Variants in AK9 observed in about 807,000 individuals in gnomAD.
The protein encoded by AK9 is adenylate kinase domain containing 1.
Under a neutral mutation model 239.6 loss-of-function variants are expected in AK9, and 191 were observed. The ratio of observed to expected loss-of-function variants is 0.80; its 90% CI spans 0.71 to 0.90. The LOEUF is 0.90. Among genes scored for constraint, AK9 ranks in the 40% least tolerant of loss-of-function variants. AK9 has a pLI of 0.00. For missense variants in AK9, 1,995 were observed against 2,214.7 expected (o/e 0.90, Z 1.99); for synonymous variants, 689 against 721.0 (o/e 0.96, Z 0.71).
At chr6:109,647,263 T>A (rs913427133) in intron 8 of AK9, among the ~76,000 whole-genome samples, 31 of 152,320 alleles carry the variant, frequency 2.0e-4, no homozygotes, top group Admixed American at 9.2e-4. Context: ...GTAAATGGGC[T>A]AAATGCTCCA....
intron 12 of AK9, among the ~76,000 whole-genome samples, chr6:109,622,685 T>C (rs937981571): frequency 6.7e-6 from 1 of 148,882 alleles, no homozygotes; most frequent in Non-Finnish European, 1.5e-5. Context: ...TGATATATGA[T>C]AATATGTATA....
chr6:109,637,147 G>C (rs1006260715), intron 10 of AK9, among the ~76,000 whole-genome samples: 20 of 152,146 alleles, frequency 1.3e-4, no homozygotes, highest in African/African-American at 4.6e-4. Flanking sequence ...TTAATGGCTA[G>C]TGATATTGAG....
At chr6:109,579,742 T>C in intron 19 of AK9, 116 bp from the exon 20 acceptor site, 1 of 870,380 alleles carries the variant, frequency 1.1e-6, no homozygotes, top group Admixed American at 3.6e-5. Flanking sequence ...ATACTTACTT[T>C]ACAATGTATA....
rs1375746096 is a variant in AK9 at position 109,508,433 on chromosome 6, T to TCCAC, written c.4481+745_4481+746insGTGG. Among the ~76,000 whole-genome samples, 30 of 152,268 alleles carry TCCAC rather than the reference T, an allele frequency of 2.0e-4. No homozygotes were observed. In the South Asian group the frequency reaches 6.2e-3, roughly 32 times the overall value. On this transcript the variant is annotated intron_variant, in intron 33 of 40. Transcript: ENST00000424296. ...GAACACCAGGGAGGAGGTAATTCAATCTGGGTAAGTCCCGGGCCTTTTCTG... is the reference window on the plus strand; with the variant it reads ...GAACACCAGGGAGGAGGTAATTCAATCCACCTGGGTAAGTCCCGGGCCTTTTCTG...
At chr6:109,532,406 A>G (rs1781396720) in intron 28 of AK9, among the ~76,000 whole-genome samples, 1 of 152,172 alleles carries the variant, frequency 6.6e-6, no homozygotes, top group Admixed American at 6.5e-5. Context: ...CATCTGGGCC[A>G]TCCTAGGTCC....
intron 17 of AK9, among the ~76,000 whole-genome samples, chr6:109,598,434 T>C (rs566246308): frequency 1.3e-5 from 2 of 152,336 alleles, no homozygotes; most frequent in African/African-American, 4.8e-5. Context: ...TAGTATTCCA[T>C]GGTGTATATG....
chr6:109,656,859 A>C lies in AK9; in HGVS notation c.656T>G (p.Val219Gly). The change falls in exon 8 of 41, where the codon GTG (valine) becomes GGG (glycine). Residue 219 changes from valine to glycine, a missense_variant. Val to Gly is a moderately radical substitution (Grantham distance 109). This residue lies in a region of AK9 where 17 missense variants were observed against 39.1 expected (regional missense o/e 0.43). Coordinates refer to ENST00000424296, the MANE Select transcript of AK9 (RefSeq NM_001145128.3). Reference protein sequence around the residue: ...EEAFIAEMQMVAEILHHLVQR... With the variant: ...EEAFIAEMQMGAEILHHLVQR... Reference sequence around the variant, plus strand: ...AACTAGATGATGAAGAATTTCAGCCACCATCTGCATTTCGGCAATAAATGC... The same window carrying C: ...AACTAGATGATGAAGAATTTCAGCCCCCATCTGCATTTCGGCAATAAATGC... The C allele has an allele frequency of 1.2e-6, 2 of 1,612,958 alleles. No homozygotes were observed. Among genetic ancestry groups the C allele is most frequent in the Non-Finnish European group, 1.7e-6 (2 of 1,179,374 alleles).
At chr6:109,586,922 A>G (rs1339695493) in intron 17 of AK9, among the ~76,000 whole-genome samples, 1 of 152,154 alleles carries the variant, frequency 6.6e-6, no homozygotes, top group Non-Finnish European at 1.5e-5. Flanking sequence ...AAGAGATGTC[A>G]AGAGGGCCAA....
chr6:109,542,002 C>A, intron 27 of AK9, 45 bp downstream of exon 27: 1 of 1,431,484 alleles, frequency 7.0e-7, no homozygotes, highest in Non-Finnish European at 9.4e-7. Flanking sequence ...AAGAATAAAA[C>A]AAATAAAAGC....
chr6:109,519,316 CT>C (rs1779592220), intron 29 of AK9, among the ~76,000 whole-genome samples: 3 of 152,036 alleles, frequency 2.0e-5, no homozygotes, highest in African/African-American at 7.2e-5. Flanking sequence ...AATTTATTTT[CT>C]TTTGTATATA....
At chr6:109,527,365 T>G (rs1422559296) in intron 29 of AK9, among the ~76,000 whole-genome samples, 1 of 152,146 alleles carries the variant, frequency 6.6e-6, no homozygotes, top group Non-Finnish European at 1.5e-5. Context: ...ATTCCCCAGT[T>G]AGTCTGAAAA....
chr6:109,599,058 G>T (rs1200241145), intron 17 of AK9, among the ~76,000 whole-genome samples: 33 of 152,026 alleles, frequency 2.2e-4, no homozygotes, highest in Non-Finnish European at 2.9e-4. Flanking sequence ...TCTTTTGCTG[G>T]GCAGAAGCTC....
chr6:109,633,132 T>C (rs2128274002), intron 11 of AK9, 29 bp from the exon 12 acceptor site: 2 of 1,559,526 alleles, frequency 1.3e-6, no homozygotes, highest in East Asian at 4.5e-5. Flanking sequence ...AGTAAACAAC[T>C]GAAAAGATGT....
At chr6:109,518,413 A>G (rs1253752300) in intron 29 of AK9, among the ~76,000 whole-genome samples, 1 of 152,156 alleles carries the variant, frequency 6.6e-6, no homozygotes, top group Non-Finnish European at 1.5e-5. Context: ...CTACACTACA[A>G]GCTGGGACAT....
Position 109,514,452 on chromosome 6 carries a change from C to T in AK9, c.4066-15G>A. ...CCTTCACTTAGCTGCAACATATACA[C>T]AGTTGAATTTGAAAGTTAGTTTGAA... On this transcript the variant is annotated splice_polypyrimidine_tract_variant and intron_variant, in intron 31 of 40. Transcript: ENST00000424296. The T allele has an allele frequency of 6.6e-7, 1 of 1,506,464 alleles. No individual in the cohort carries two copies. The highest frequency in any genetic ancestry group is 8.9e-7 in the Non-Finnish European group (1 of 1,123,374). The allele number at this position is 1,506,464 out of a possible 1,614,324, so 93.3% of individuals were successfully genotyped here. A position where few individuals can be genotyped will look rare whatever the true frequency, so the allele number is the denominator to read the frequency against.
At chr6:109,655,973 T>A (rs556483088) in intron 8 of AK9, among the ~76,000 whole-genome samples, 1 of 152,226 alleles carries the variant, frequency 6.6e-6, no homozygotes, top group African/African-American at 2.4e-5. Flanking sequence ...CACTCATTTA[T>A]CTTTAAAGTA....
chr6:109,546,059 C>T lies in AK9; in HGVS notation c.3033G>A (p.Leu1011=). 1 of 1,510,294 alleles carries T rather than the reference C, an allele frequency of 6.6e-7. No individual in the cohort carries two copies. The highest frequency in any genetic ancestry group is 9.0e-7 in the Non-Finnish European group (1 of 1,114,268). The allele number at this position is 1,510,294 out of a possible 1,614,324, so 93.6% of individuals were successfully genotyped here. A position where few individuals can be genotyped will look rare whatever the true frequency, so the allele number is the denominator to read the frequency against. The change falls in exon 26 of 41, where the codon TTG becomes TTA. Residue 1011 remains leucine, a synonymous_variant. Coordinates refer to ENST00000424296, the MANE Select transcript of AK9 (RefSeq NM_001145128.3). ...GSGKTMCGRQ[L]AEKLNIFHIQ... is the part of the protein sequence containing the mutation. ...TGTGAAAAATGTTTAATTTTTCTGCCAACTGTCTTCCACACATAGTTTTGC... is the reference window on the plus strand; with the variant it reads ...TGTGAAAAATGTTTAATTTTTCTGCTAACTGTCTTCCACACATAGTTTTGC...
intron 8 of AK9, among the ~76,000 whole-genome samples, chr6:109,652,098 C>T (rs916264101): frequency 6.6e-6 from 1 of 151,916 alleles, no homozygotes; most frequent in African/African-American, 2.4e-5. Context: ...AGAGAAACAA[C>T]AAAAAAAGAG....
intron 30 of AK9, 120 bp downstream of exon 30, chr6:109,516,310 A>T: frequency 1.0e-6 from 1 of 959,554 alleles, no homozygotes; most frequent in Non-Finnish European, 1.5e-6. Flanking sequence ...CGATAAAAGG[A>T]AATACAGCCC....
Sources: gnomAD v4.1 joint callset for allele counts (sites outside exome capture counted in the v4.1 genomes callset) on GRCh38, gnomAD v4.1.1 for gene constraint, gnomAD v4.1.1 regional missense constraint, MANE v1.5 for transcripts, NCBI Gene and HGNC (gene_info 2026-07-23, HGNC 2026-07-21) for gene names.